TNFRSF21: variants seen among roughly 807,000 people sequenced by gnomAD.
TNFRSF21 encodes tumor necrosis factor receptor superfamily member 21.
Under a neutral mutation model 45.6 loss-of-function variants are expected in TNFRSF21, and 19 were observed. The ratio of observed to expected loss-of-function variants is 0.42; its 90% CI spans 0.29 to 0.61. The LOEUF (loss-of-function observed/expected upper bound fraction) is 0.61. Ranked by LOEUF, TNFRSF21 falls within the 20% of genes least tolerant of loss-of-function variation. The probability of loss-of-function intolerance (pLI) is 0.23; values close to 1 mark genes in which losing one functional copy is unlikely to be tolerated. For missense variants in TNFRSF21, 737 were observed against 851.5 expected, an observed-to-expected ratio of 0.87 and a Z score of 1.67; for synonymous variants, 314 against 335.5, an observed-to-expected ratio of 0.94 and a Z score of 0.70.
intron 3 of TNFRSF21, among the ~76,000 whole-genome samples, chr6:47,257,442 A>G (rs1392822341): frequency 6.6e-6 from 1 of 152,246 alleles, no homozygotes; most frequent in African/African-American, 2.4e-5. Flanking sequence ...GATAAATCAA[A>G]GATAAATCAA....
chr6:47,294,423 T>A (rs1465922714), intron 1 of TNFRSF21, among the ~76,000 whole-genome samples: 1 of 152,156 alleles, frequency 6.6e-6, no homozygotes, highest in Non-Finnish European at 1.5e-5. Context: ...ATTACAGGCG[T>A]GAGCCAACGC....
At chr6:47,266,448 G>A (rs1172325729) in intron 3 of TNFRSF21, among the ~76,000 whole-genome samples, 1 of 152,140 alleles carries the variant, frequency 6.6e-6, no homozygotes, top group African/African-American at 2.4e-5. Flanking sequence ...GTACATTGTG[G>A]ATAAGGGATA....
chr6:47,239,346 A>C, intron 4 of TNFRSF21, among the ~76,000 whole-genome samples: 1 of 151,810 alleles, frequency 6.6e-6, no homozygotes, highest in Admixed American at 6.6e-5. Context: ...TCCACTTCTA[A>C]TATCAAACTG....
At chr6:47,237,123 A>G (rs1764674054) in intron 4 of TNFRSF21, among the ~76,000 whole-genome samples, 1 of 152,200 alleles carries the variant, frequency 6.6e-6, no homozygotes, top group Non-Finnish European at 1.5e-5. Flanking sequence ...TACAAATGCT[A>G]TTAGCATCAC....
chr6:47,293,287 C>T (rs566823975), intron 1 of TNFRSF21, among the ~76,000 whole-genome samples: 1 of 152,146 alleles, frequency 6.6e-6, no homozygotes, highest in African/African-American at 2.4e-5. Context: ...TAATGAAGAT[C>T]GTGGGAATAA....
At chr6:47,300,891 T>A (rs1475876516) in intron 1 of TNFRSF21, among the ~76,000 whole-genome samples, 1 of 152,220 alleles carries the variant, frequency 6.6e-6, no homozygotes, top group Non-Finnish European at 1.5e-5. Context: ...GCCCCATAAA[T>A]TTTATTAAAC....
chr6:47,254,784 G>T (rs1341080965), intron 3 of TNFRSF21, among the ~76,000 whole-genome samples: 2 of 152,154 alleles, frequency 1.3e-5, no homozygotes, highest in East Asian at 3.8e-4. Flanking sequence ...CAGCCAAAAT[G>T]ACTGTATAAT....
chr6:47,296,529 AGACCAAGGTATGATGGAAGGGTT>A (rs1762792569), intron 1 of TNFRSF21, among the ~76,000 whole-genome samples: 1 of 152,160 alleles, frequency 6.6e-6, no homozygotes, highest in Non-Finnish European at 1.5e-5. Flanking sequence ...GTCATAAGAA[AGACCAAGGTATGATGGAAGGGTT>A]GGGACTTTCA....
intron 1 of TNFRSF21, among the ~76,000 whole-genome samples, chr6:47,301,550 C>T (rs1040623635): frequency 3.9e-5 from 6 of 152,144 alleles, no homozygotes; most frequent in South Asian, 2.1e-4. Context: ...TGGAGTCTTA[C>T]GGGAGGTGTT....
intron 1 of TNFRSF21, among the ~76,000 whole-genome samples, chr6:47,290,275 G>A (rs1246030617): frequency 1.3e-5 from 2 of 152,138 alleles, no homozygotes; most frequent in Non-Finnish European, 2.9e-5. Context: ...CTGATGTGCT[G>A]TGTGATCTAA....
intron 4 of TNFRSF21, 152 bp downstream of exon 4, chr6:47,253,104 G>T (rs1764924765): frequency 3.0e-6 from 2 of 667,438 alleles, no homozygotes; most frequent in African/African-American, 3.8e-5. Context: ...AGAAGGTAGG[G>T]TGTGTGTGTG....
chr6:47,246,080 G>T (rs1428997781), intron 4 of TNFRSF21, among the ~76,000 whole-genome samples: 5 of 152,160 alleles, frequency 3.3e-5, no homozygotes, highest in Non-Finnish European at 5.9e-5. Flanking sequence ...TCAACATGAG[G>T]TTTGGGCAGG....
chr6:47,264,353 C>A (rs1762297628), intron 3 of TNFRSF21, among the ~76,000 whole-genome samples: 1 of 152,142 alleles, frequency 6.6e-6, no homozygotes, highest in Non-Finnish European at 1.5e-5. Flanking sequence ...CATGGCGAAA[C>A]CCTGTCTCTA....
chr6:47,303,810 C>T (rs1320586918), intron 1 of TNFRSF21, among the ~76,000 whole-genome samples: 1 of 152,238 alleles, frequency 6.6e-6, no homozygotes, highest in East Asian at 1.9e-4. Flanking sequence ...ATTTGACAAA[C>T]ACAAACACTG....
chr6:47,255,800 C>T (rs1291972109), intron 3 of TNFRSF21, among the ~76,000 whole-genome samples: 1 of 151,988 alleles, frequency 6.6e-6, no homozygotes, highest in Non-Finnish European at 1.5e-5. Context: ...CTCACCTGCC[C>T]TGATAACATA....
chr6:47,286,553 C>A lies in TNFRSF21; in HGVS notation c.139G>T (p.Ala47Ser). 1 of 1,611,300 alleles carries A rather than the reference C, an allele frequency of 6.2e-7. No homozygotes were observed. Among genetic ancestry groups the A allele is most frequent in the Non-Finnish European group, 8.5e-7 (1 of 1,177,708 alleles). Residue 47 changes from alanine (A) to serine (S), a missense_variant, in exon 2 of 6, where the codon GCC (alanine) becomes TCC (serine). Coordinates refer to ENST00000296861, the MANE Select transcript of TNFRSF21 (RefSeq NM_014452.5). ...STTTAQPEQK[A>S]SNLIGTYRHV... ...CGGTATGTGCCAATGAGATTCGAGG[C>A]CTTCTGTTCTGGCTGAGCTGTGGTG... is the stretch of plus-strand genomic sequence containing the variant.
At chr6:47,291,879 C>A (rs907456048) in intron 1 of TNFRSF21, among the ~76,000 whole-genome samples, 2 of 152,238 alleles carry the variant, frequency 1.3e-5, no homozygotes. Context: ...CTGAGTGAAA[C>A]CCTGCTGAGA....
chr6:47,250,839 C>T lies in TNFRSF21; in HGVS notation c.1509+2417G>A, dbSNP rs111974759. Among the ~76,000 whole-genome samples, 412 of 152,318 alleles carry T rather than the reference C, an allele frequency of 2.7e-3. 3 individuals are homozygous for T. Among genetic ancestry groups the T allele is most frequent in the African/African-American group, 9.4e-3 (389 of 41,570 alleles). On this transcript the variant is annotated intron_variant, in intron 4 of 5. Coordinates refer to ENST00000296861, the MANE Select transcript of TNFRSF21 (RefSeq NM_014452.5). Reference sequence around the variant, plus strand: ...CTGTGCAATTACCACTTGAGCATCCCTAATCCAAAAATTCAAAATCCAAAA... The same window carrying T: ...CTGTGCAATTACCACTTGAGCATCCTTAATCCAAAAATTCAAAATCCAAAA...
At chr6:47,265,086 G>A (rs892038315) in intron 3 of TNFRSF21, among the ~76,000 whole-genome samples, 2 of 152,196 alleles carry the variant, frequency 1.3e-5, no homozygotes, top group Admixed American at 1.3e-4. Context: ...GTCTGGTGAT[G>A]AGAAAAACAC....
Sources: allele counts gnomAD v4.1 joint callset (sites outside exome capture counted in the v4.1 genomes callset), GRCh38; gene constraint gnomAD v4.1.1; transcripts MANE v1.5; gene names NCBI Gene and HGNC (gene_info 2026-07-23, HGNC 2026-07-21).